Variants in TLCD3B observed in about 807,000 individuals in gnomAD.
TLCD3B encodes ceramide synthase.
In TLCD3B, 9 loss-of-function variants were observed where a neutral mutation model predicts 23.0. The observed-to-expected ratio is 0.39, with a 90% CI of 0.24 to 0.68. The LOEUF (loss-of-function observed/expected upper bound fraction) is 0.68. Ranked by LOEUF, TLCD3B falls within the 30% of genes least tolerant of loss-of-function variation. The pLI is 0.44. For synonymous variants in TLCD3B, 161 were observed against 161.0 expected, an observed-to-expected ratio of 1.00 and a Z score of 0.00; for missense variants, 307 against 371.8, an observed-to-expected ratio of 0.83 and a Z score of 1.43.
intron 1 of TLCD3B, among the ~76,000 whole-genome samples, chr16:30,052,033 G>T (rs1375428311): frequency 6.6e-6 from 1 of 152,096 alleles, no homozygotes; most frequent in African/African-American, 2.4e-5. Flanking sequence ...AGGAGTTCAA[G>T]ACCAGCCTTA....
intron 2 of TLCD3B, among the ~76,000 whole-genome samples, chr16:30,044,698 A>C (rs991590801): frequency 2.4e-4 from 36 of 152,226 alleles, no homozygotes; most frequent in Non-Finnish European, 4.7e-4. Flanking sequence ...AAAAATATAC[A>C]AAATGAAAAC....
intron 1 of TLCD3B, chr16:30,052,696 CAAAA>C (rs1292556303): frequency 7.3e-6 from 1 of 137,674 alleles, no homozygotes; most frequent in African/African-American, 2.8e-5. Flanking sequence ...GACTCCGTCT[CAAAA>C]ATAAATAAAT....
chr16:30,044,282 G>A (rs115518563), intron 2 of TLCD3B, among the ~76,000 whole-genome samples: 12,999 of 151,464 alleles, frequency 0.086, 741 homozygotes, highest in African/African-American at 0.15. Context: ...ACAGGCATGA[G>A]CCACAGTGCT....
chr16:30,030,383 G>C lies in TLCD3B; in HGVS notation c.125+20C>G, dbSNP rs1396747846. 1 of 1,546,430 alleles carries C rather than the reference G, an allele frequency of 6.5e-7. No homozygotes were observed. Among genetic ancestry groups the C allele is most frequent in the Non-Finnish European group, 8.7e-7 (1 of 1,146,216 alleles). On this transcript the variant is annotated intron_variant, in intron 1 of 4. Transcript: ENST00000380495. ...AGCCCAAGAAGCAGACAGGGGCTGA[G>C]GGGAAAGAAAGTGGTTTACCTGGCT...
At chr16:30,044,935 A>G (rs976725294) in intron 2 of TLCD3B, among the ~76,000 whole-genome samples, 3 of 151,772 alleles carry the variant, frequency 2.0e-5, no homozygotes, top group Non-Finnish European at 4.4e-5. Flanking sequence ...TCTACTAAAA[A>G]TATAAAAATT....
chr16:30,026,528 G>C (rs2071144443), intron 3 of TLCD3B, 81 bp downstream of exon 3: 1 of 1,269,824 alleles, frequency 7.9e-7, no homozygotes, highest in South Asian at 1.4e-5. Context: ...CAGACCCGGG[G>C]CTTCCCAGGC....
At chr16:30,049,995 T>A (rs1398229998) in intron 1 of TLCD3B, among the ~76,000 whole-genome samples, 3 of 151,960 alleles carry the variant, frequency 2.0e-5, no homozygotes, top group African/African-American at 7.3e-5. Context: ...ATCCCTTGTC[T>A]TGGCTTGCCT....
At chr16:30,051,650 C>T (rs2071755994) in intron 1 of TLCD3B, among the ~76,000 whole-genome samples, 1 of 152,118 alleles carries the variant, frequency 6.6e-6, no homozygotes, top group East Asian at 1.9e-4. Flanking sequence ...TGACTCAGAC[C>T]AGGCCCCAGA....
chr16:30,045,338 GTGTT>G (rs1312164745), intron 2 of TLCD3B, among the ~76,000 whole-genome samples: 9 of 144,142 alleles, frequency 6.2e-5, no homozygotes, highest in Non-Finnish European at 9.1e-5. Context: ...GTGTTTGTGT[GTGTT>G]TGTGTGTGTG....
At position 30,038,480 on chromosome 16, in the gene TLCD3B, A is replaced by G. The variant is rs9933584; in HGVS notation, c.-66-2266T>C. 3.9e-4 allele frequency among the ~76,000 whole-genome samples: 60 copies of G among 152,080 alleles called. No individual in the cohort carries two copies. The East Asian group carries it at 6.6e-3, about 17-fold the overall frequency. Reference sequence around the variant, plus strand: ...AAAAAATCAATTAAGGGCTGGGCGCAGTGGCTCACGCCTGTAATCCCAGCA... The same window carrying G: ...AAAAAATCAATTAAGGGCTGGGCGCGGTGGCTCACGCCTGTAATCCCAGCA... On this transcript the variant is annotated intron_variant, in intron 3 of 6. Transcript: ENST00000561666.
At chr16:30,044,746 T>C (rs1430786815) in intron 2 of TLCD3B, among the ~76,000 whole-genome samples, 2 of 152,174 alleles carry the variant, frequency 1.3e-5, no homozygotes, top group East Asian at 1.9e-4. Context: ...TATGGGCAGC[T>C]GCTCATTCTG....
At chr16:30,039,101 C>CTTATTTT in intron 3 of TLCD3B, among the ~76,000 whole-genome samples, 1 of 120,854 alleles carries the variant, frequency 8.3e-6, no homozygotes, top group Non-Finnish European at 1.7e-5. Context: ...CCTCCTTCCT[C>CTTATTTT]TCTTTTTTTT....
At chr16:30,045,353 G>C (rs1438125155) in intron 2 of TLCD3B, among the ~76,000 whole-genome samples, 1 of 101,846 alleles carries the variant, frequency 9.8e-6, no homozygotes, top group African/African-American at 3.1e-5. Context: ...TGTGTGTGTG[G>C]TGTGTGTGTG....
In TLCD3B at chr16:30,024,796, C is replaced by T. The variant is rs79797644; in HGVS notation, c.*387G>A. On this transcript the variant is annotated 3_prime_UTR_variant, in exon 5 of 5. Transcript: ENST00000380495. ...GGTTAGTTGGGGCGTCCTCTCCTCT[C>T]GGGTGATGGGGAGCCCTGGGGGATG... 43 of 217,254 alleles carry T rather than the reference C, an allele frequency of 2.0e-4. No homozygotes were observed. The highest frequency in any genetic ancestry group is 1.6e-3 in the Middle Eastern group (1 of 640). The allele number at this position is 217,254 out of a possible 1,614,324, so 13.5% of individuals were successfully genotyped here.
At chr16:30,047,501 T>C (rs2071691711) in intron 1 of TLCD3B, among the ~76,000 whole-genome samples, 1 of 152,142 alleles carries the variant, frequency 6.6e-6, no homozygotes, top group Admixed American at 6.5e-5. Context: ...TTTGTATTTT[T>C]AGTAGAGACA....
rs201833957 is a variant in TLCD3B at position 30,042,719 on chromosome 16, C to CA, written c.-228-1564dup. ...GCTTCTCCAAACCTTTGTTTCCCCA[C>CA]AAAAAAAAACCTCAGTTATGGTCAG... On this transcript the variant is annotated intron_variant, in intron 2 of 6. Coordinates refer to the TLCD3B transcript ENST00000561666. Among the ~76,000 whole-genome samples, 631 of 150,758 alleles carry CA rather than the reference C, an allele frequency of 4.2e-3. 3 individuals are homozygous for CA. Among genetic ancestry groups the CA allele is most frequent in the African/African-American group, 0.014 (583 of 41,116 alleles).
At chr16:30,027,648 G>A (rs779434655) in intron 2 of TLCD3B, 33 of 455,978 alleles carry the variant, frequency 7.2e-5, no homozygotes, top group Admixed American at 1.2e-4. Flanking sequence ...AAGGAGCCAA[G>A]GACAAAGAAA....
At chr16:30,043,376 C>A (rs971834614) in intron 2 of TLCD3B, among the ~76,000 whole-genome samples, 1 of 151,818 alleles carries the variant, frequency 6.6e-6, no homozygotes, top group Non-Finnish European at 1.5e-5. Flanking sequence ...GGCTCTCAGG[C>A]TCATCACTAC....
At chr16:30,035,016 A>C (rs1288410328), upstream of TLCD3B, 1 of 173,298 alleles carries the variant, frequency 5.8e-6, no homozygotes, top group Non-Finnish European at 1.2e-5. Context: ...AGTTCATGTG[A>C]TTCCCCTGTC....
Sources: gnomAD v4.1 joint callset for allele counts (sites outside exome capture counted in the v4.1 genomes callset) on GRCh38, gnomAD v4.1.1 for gene constraint, MANE v1.5 for transcripts, NCBI Gene and HGNC (gene_info 2026-07-23, HGNC 2026-07-21) for gene names.